Variants in DLC1 observed in about 807,000 individuals in gnomAD.
DLC1 encodes rho GTPase-activating protein 7.
DLC1 carries 54 observed loss-of-function variants against 140.3 expected under a neutral mutation model. The observed-to-expected ratio is 0.38, with a 90% CI of 0.31 to 0.48. The LOEUF is 0.48. Ranked by LOEUF, DLC1 falls within the 20% of genes least tolerant of loss-of-function variation. DLC1 has a pLI of 0.96. For synonymous variants in DLC1, 986 were observed against 728.1 expected, an observed-to-expected ratio of 1.35 and a Z score of -5.70; for missense variants, 2,536 against 1,907.0, an observed-to-expected ratio of 1.33 and a Z score of -6.14.
chr8:13,230,302 A>G (rs146613654), intron 5 of DLC1, among the ~76,000 whole-genome samples: 1 of 152,246 alleles, frequency 6.6e-6, no homozygotes, highest in Non-Finnish European at 1.5e-5. Context: ...GTAGCAGCTA[A>G]GAGTCCAGAA....
intron 5 of DLC1, among the ~76,000 whole-genome samples, chr8:13,272,705 CA>C (rs1318273451): frequency 6.6e-6 from 1 of 151,504 alleles, no homozygotes; most frequent in Non-Finnish European, 1.5e-5. Context: ...ACTAAAAATA[CA>C]AAAAATAGAA....
At chr8:13,538,488 C>T (rs945602538) in intron 1 of DLC1, among the ~76,000 whole-genome samples, 4 of 152,052 alleles carry the variant, frequency 2.6e-5, no homozygotes, top group East Asian at 3.9e-4. Context: ...GATATGATGC[C>T]GAGATAAGCT....
intron 4 of DLC1, chr8:13,340,255 C>G (rs1186161774): frequency 2.0e-5 from 3 of 152,178 alleles, no homozygotes; most frequent in African/African-American, 7.2e-5. Context: ...GGCTGGAGTG[C>G]AGGGGAACCA....
rs192403662 is a variant in DLC1 at position 13,596,646 on chromosome 8, G to A, written c.-126+7891C>T. 4.0e-3 allele frequency among the ~76,000 whole-genome samples: 614 copies of A among 152,082 alleles called. 1 individual carries two copies. The highest frequency in any genetic ancestry group is 7.2e-3 in the Non-Finnish European group (487 of 67,912). On this transcript the variant is annotated intron_variant, in intron 1 of 1. Transcript: ENST00000631382. ...AAAGGAGAATGGATATGCTTATTGA[G>A]ATAAATTTGGGAGTCTTTCAAATGA...
intron 5 of DLC1, chr8:13,116,208 C>T (rs1469682286): frequency 2.0e-6 from 2 of 985,282 alleles, no homozygotes; most frequent in Non-Finnish European, 2.4e-6. Context: ...TAGGAGAGGC[C>T]CAGGCTGTCA....
intron 4 of DLC1, among the ~76,000 whole-genome samples, chr8:13,321,686 T>C (rs1833132234): frequency 6.6e-6 from 1 of 152,100 alleles, no homozygotes; most frequent in Non-Finnish European, 1.5e-5. Context: ...CATACATACC[T>C]TGAATCAGGA....
At chr8:13,169,857 TAA>T (rs372703444) in intron 5 of DLC1, among the ~76,000 whole-genome samples, 7 of 142,224 alleles carry the variant, frequency 4.9e-5, no homozygotes, top group Admixed American at 2.1e-4. Context: ...ATACCTCATC[TAA>T]AAAAAAAAAA....
intron 2 of DLC1, among the ~76,000 whole-genome samples, chr8:13,448,537 A>G (rs1200151913): frequency 6.6e-6 from 1 of 151,874 alleles, no homozygotes; most frequent in Non-Finnish European, 1.5e-5. Context: ...TAATTTTTGT[A>G]TTTTTAGTAG....
rs1175930454 is a variant in DLC1, at chr8:13,085,242, G to A, written c.*569C>T. 1 of 152,646 alleles carries A rather than the reference G, an allele frequency of 6.6e-6. No individual in the cohort carries two copies. Among genetic ancestry groups the A allele is most frequent in the Non-Finnish European group, 1.5e-5 (1 of 68,070 alleles). 9.5% of individuals were successfully genotyped at this position (152,646 alleles called of 1,614,324 possible). A position where few individuals can be genotyped will look rare whatever the true frequency, so the allele number is the denominator to read the frequency against. On this transcript the variant is annotated 3_prime_UTR_variant, in exon 18 of 18. Transcript: ENST00000276297. Reference sequence around the variant, plus strand: ...ATTCAGGGGTAGTCAGATATTCCAGGTTAAACTGAACCTGATGCATCAATC... The same window carrying A: ...ATTCAGGGGTAGTCAGATATTCCAGATTAAACTGAACCTGATGCATCAATC...
chr8:13,369,423 T>A, intron 4 of DLC1, among the ~76,000 whole-genome samples: 1 of 152,260 alleles, frequency 6.6e-6, no homozygotes, highest in East Asian at 1.9e-4. Flanking sequence ...TTTCTTTTGT[T>A]GTTAAATCAC....
At chr8:13,326,840 C>G (rs1353355231) in intron 4 of DLC1, among the ~76,000 whole-genome samples, 4 of 152,150 alleles carry the variant, frequency 2.6e-5, no homozygotes, top group Non-Finnish European at 5.9e-5. Flanking sequence ...TGAGAAGTAC[C>G]GAGCTAGGAG....
At chr8:13,600,374 G>C (rs1805834991) in intron 1 of DLC1, among the ~76,000 whole-genome samples, 1 of 151,836 alleles carries the variant, frequency 6.6e-6, no homozygotes, top group Non-Finnish European at 1.5e-5. Context: ...TTCTCAGTAA[G>C]GCTGTTATTT....
In DLC1 at chr8:13,500,206, A is replaced by C; in HGVS notation, c.-125-10T>G. The stretch of plus-strand genomic sequence containing the variant: ...TCTGTCATTTCACCACCTATTAAAA[A>C]ATTCAAAAAAATATGTAGTCGCAGA... On this transcript the variant is annotated splice_polypyrimidine_tract_variant and intron_variant, in intron 1 of 17. Coordinates refer to ENST00000276297, the MANE Select transcript of DLC1 (RefSeq NM_182643.3). The C allele has an allele frequency of 1.4e-6, 1 of 739,288 alleles. No individual in the cohort carries two copies. The highest frequency in any genetic ancestry group is 1.7e-5 in the African/African-American group (1 of 57,338). The allele number at this position is 739,288 out of a possible 1,614,324, so 45.8% of individuals were successfully genotyped here.
intron 5 of DLC1, among the ~76,000 whole-genome samples, chr8:13,253,926 C>G (rs765442695): frequency 6.6e-6 from 1 of 152,172 alleles, no homozygotes; most frequent in African/African-American, 2.4e-5. Context: ...ACAGCCCTGA[C>G]GTCAGGACGC....
intron 5 of DLC1, among the ~76,000 whole-genome samples, chr8:13,297,350 G>A (rs886151065): frequency 6.0e-5 from 8 of 132,372 alleles, no homozygotes; most frequent in African/African-American, 2.3e-4. Flanking sequence ...TTCACTTTCT[G>A]AGAATGAAAG....
At chr8:13,587,572 G>C (rs79069398) in intron 1 of DLC1, among the ~76,000 whole-genome samples, 39,080 of 140,504 alleles carry the variant, frequency 0.28, 5,514 homozygotes, top group Non-Finnish European at 0.29. Context: ...CACACACAGA[G>C]AGAGAGAAAA....
intron 1 of DLC1, among the ~76,000 whole-genome samples, chr8:13,531,680 C>A (rs1803103084): frequency 6.6e-6 from 1 of 152,130 alleles, no homozygotes; most frequent in African/African-American, 2.4e-5. Flanking sequence ...GGAATTATTT[C>A]TTCTCTCTTG....
chr8:13,498,871 C>G, intron 2 of DLC1, 178 bp downstream of exon 2: 1 of 631,128 alleles, frequency 1.6e-6, no homozygotes, highest in Non-Finnish European at 2.6e-6. Flanking sequence ...GATTATTATT[C>G]TTTAATTTTT....
chr8:13,204,820 T>C (rs531455554), intron 5 of DLC1, among the ~76,000 whole-genome samples: 3 of 152,350 alleles, frequency 2.0e-5, no homozygotes, highest in East Asian at 3.9e-4. Flanking sequence ...GCCAGAAAAC[T>C]GTTTTTAAAT....
Sources: allele counts gnomAD v4.1 joint callset (sites outside exome capture counted in the v4.1 genomes callset), GRCh38; gene constraint gnomAD v4.1.1; transcripts MANE v1.5; gene names NCBI Gene and HGNC (gene_info 2026-07-23, HGNC 2026-07-21).